SH3KBP1: variants seen among roughly 807,000 people sequenced by gnomAD.
The protein encoded by SH3KBP1 is SH3 domain-containing kinase-binding protein 1.
Under a neutral mutation model 50.1 loss-of-function variants are expected in SH3KBP1, and 8 were observed. The observed-to-expected ratio is 0.16, with a 90% confidence interval of 0.09 to 0.29. The LOEUF (loss-of-function observed/expected upper bound fraction) is 0.29, where lower values mean the gene tolerates loss of function less well. Ranked by LOEUF, SH3KBP1 falls within the 10% of genes least tolerant of loss-of-function variation. The pLI, the probability that SH3KBP1 is intolerant of heterozygous loss-of-function variation, is 1.00. For synonymous variants in SH3KBP1, 227 were observed against 218.6 expected, an observed-to-expected ratio of 1.04 and a Z score of -0.34; for missense variants, 377 against 535.2, an observed-to-expected ratio of 0.70 and a Z score of 2.92.
rs181692089 is a variant in SH3KBP1 at position 19,785,433 on chromosome X, T to C, written c.163-38992A>G. On this transcript the variant is annotated intron_variant, in intron 2 of 17. Transcript: ENST00000397821. ...GTCCCAGCTACTTGGGAGGCTGAGG[T>C]GGGAGCATCACTTGAGCCAGAGAGG... Among the ~76,000 whole-genome samples, 326 of 109,291 alleles carry C rather than the reference T, an allele frequency of 3.0e-3. 1 individual carries two copies. The highest frequency in any genetic ancestry group is 0.01 in the African/African-American group (309 of 29,951). 94.9% of individuals were successfully genotyped at this position (109,291 alleles called of 115,157 possible).
intron 6 of SH3KBP1, among the ~76,000 whole-genome samples, chrX:19,651,395 A>T (rs1048229858): frequency 8.9e-5 from 10 of 112,239 alleles, no homozygotes; most frequent in South Asian, 3.7e-4. Flanking sequence ...AAGAAAAAAA[A>T]CTACACTTGT....
intron 2 of SH3KBP1, among the ~76,000 whole-genome samples, chrX:19,794,774 T>C (rs2066660628): frequency 8.9e-6 from 1 of 111,983 alleles, no homozygotes. Flanking sequence ...CTTGTAGTGA[T>C]GACTAAATCA....
intron 4 of SH3KBP1, among the ~76,000 whole-genome samples, chrX:19,705,084 T>G (rs2063622282): frequency 8.9e-6 from 1 of 112,160 alleles, no homozygotes; most frequent in Non-Finnish European, 1.9e-5. Context: ...CACTAAATAT[T>G]TTCTTAGGAT....
intron 2 of SH3KBP1, among the ~76,000 whole-genome samples, chrX:19,798,733 C>T (rs190127830): frequency 2.7e-5 from 3 of 111,876 alleles, no homozygotes; most frequent in Non-Finnish European, 5.6e-5. Context: ...ACTTGGTGGC[C>T]ACAAAAGATG....
intron 2 of SH3KBP1, among the ~76,000 whole-genome samples, chrX:19,750,151 C>T (rs1186186767): frequency 2.7e-5 from 3 of 111,525 alleles, no homozygotes; most frequent in Admixed American, 9.5e-5. Context: ...CCTCCACTTC[C>T]GGGTTCAGGC....
chrX:19,606,154 T>G (rs1450190854), intron 9 of SH3KBP1, among the ~76,000 whole-genome samples: 1 of 112,475 alleles, frequency 8.9e-6, no homozygotes, highest in African/African-American at 3.2e-5. Context: ...TTTAAGAATT[T>G]ATGTGCATCA....
At chrX:19,734,145 C>T (rs930302842) in intron 3 of SH3KBP1, among the ~76,000 whole-genome samples, 5 of 111,961 alleles carry the variant, frequency 4.5e-5, no homozygotes, top group African/African-American at 1.3e-4. Context: ...GCTCTTTCTA[C>T]GAAGCACAGA....
chrX:19,730,708 T>C (rs1474516530), intron 3 of SH3KBP1, among the ~76,000 whole-genome samples: 1 of 111,378 alleles, frequency 9.0e-6, no homozygotes, highest in Non-Finnish European at 1.9e-5. Context: ...TTCATAATAC[T>C]AGGTTCCTGA....
chrX:19,849,965 T>C (rs761539333), intron 1 of SH3KBP1, among the ~76,000 whole-genome samples: 2 of 111,416 alleles, frequency 1.8e-5, no homozygotes, highest in South Asian at 7.4e-4. Context: ...AGAAGAATAA[T>C]GTCCTACACT....
At chrX:19,538,887 T>G (rs1207407657) in intron 16 of SH3KBP1, among the ~76,000 whole-genome samples, 1 of 112,495 alleles carries the variant, frequency 8.9e-6, no homozygotes, top group African/African-American at 3.2e-5. Context: ...GCACCTGGCC[T>G]ATTTCCTTTA....
At chrX:19,877,310 G>A (rs2069284485) in intron 1 of SH3KBP1, among the ~76,000 whole-genome samples, 1 of 111,884 alleles carries the variant, frequency 8.9e-6, no homozygotes, top group Non-Finnish European at 1.9e-5. Flanking sequence ...GTGAATTTGA[G>A]AAGCTATTAT....
chrX:19,850,164 A>G (rs1347096536), intron 1 of SH3KBP1, among the ~76,000 whole-genome samples: 3 of 111,776 alleles, frequency 2.7e-5, no homozygotes, highest in Non-Finnish European at 5.6e-5. Context: ...TGAATTTGTT[A>G]TAAAGGGTAC....
chrX:19,619,743 C>T (rs1349461939), intron 8 of SH3KBP1, among the ~76,000 whole-genome samples: 5 of 111,988 alleles, frequency 4.5e-5, no homozygotes, highest in African/African-American at 1.6e-4. Context: ...GATGGTGCCA[C>T]TGTACTCCAG....
intron 12 of SH3KBP1, among the ~76,000 whole-genome samples, chrX:19,587,051 A>C (rs111830418): frequency 9.1e-6 from 1 of 109,317 alleles, no homozygotes; most frequent in East Asian, 2.9e-4. Context: ...GGAGAAACCC[A>C]GTCTCTACTA....
chrX:19,844,228 G>A (rs753606983), intron 1 of SH3KBP1, among the ~76,000 whole-genome samples: 26 of 111,400 alleles, frequency 2.3e-4, no homozygotes, highest in African/African-American at 8.5e-4. Context: ...ACACACCCTG[G>A]AATGGGAGCT....
At chrX:19,856,170 G>C (rs1334139797) in intron 1 of SH3KBP1, among the ~76,000 whole-genome samples, 1 of 110,457 alleles carries the variant, frequency 9.1e-6, no homozygotes, top group African/African-American at 3.3e-5. Flanking sequence ...CACAGAAGTA[G>C]ACATGAAACT....
At chrX:19,637,129 T>C (rs988755905) in intron 7 of SH3KBP1, among the ~76,000 whole-genome samples, 2 of 112,296 alleles carry the variant, frequency 1.8e-5, no homozygotes, top group Admixed American at 1.9e-4. Context: ...GCATATACCA[T>C]ATAATACGTA....
chrX:19,608,188 A>T (rs746941807), intron 8 of SH3KBP1, 143 bp from the exon 9 acceptor site: 1 of 441,973 alleles, frequency 2.3e-6, no homozygotes, highest in Non-Finnish European at 3.8e-6. Context: ...ACAAACCCCA[A>T]TGTCAGAGGG....
chrX:19,611,325 G>T (rs1007596648), intron 8 of SH3KBP1, among the ~76,000 whole-genome samples: 3 of 111,080 alleles, frequency 2.7e-5, no homozygotes, highest in South Asian at 3.8e-4. Flanking sequence ...AATAACTTTG[G>T]TTTTTTTTGT....
Sources: allele counts gnomAD v4.1 joint callset (sites outside exome capture counted in the v4.1 genomes callset), GRCh38; gene constraint gnomAD v4.1.1; transcripts MANE v1.5; gene names NCBI Gene and HGNC (gene_info 2026-07-23, HGNC 2026-07-21).